PATL1: variants seen among roughly 807,000 people sequenced by gnomAD.
The protein encoded by PATL1 is PAT1 homolog 1, processing body mRNA decay factor.
Under a neutral mutation model 100.6 loss-of-function variants are expected in PATL1, and 32 were observed. The observed-to-expected ratio is 0.32, with a 90% CI of 0.24 to 0.43. The LOEUF is 0.43. PATL1 is among the 20% of genes least tolerant of loss of function. The probability of loss-of-function intolerance (pLI) is 1.00; values close to 1 mark genes in which losing one functional copy is unlikely to be tolerated. For synonymous variants in PATL1, 332 were observed against 330.0 expected (o/e 1.01, Z -0.07); for missense variants, 747 against 949.9 (o/e 0.79, Z 2.81).
Position 59,669,004 on chromosome 11 carries a change from G to C in PATL1, c.-109C>G, listed in dbSNP as rs1038441548. On this transcript the variant is annotated 5_prime_UTR_variant, in exon 1 of 19. Coordinates refer to ENST00000300146, the MANE Select transcript of PATL1 (RefSeq NM_152716.3). ...GTCCTCCACCGGCTCGCGACCCCTG[G>C]CCGCCGCCGTACGCCGGAGCGTGCG... 3.7e-6 allele frequency: 1 copy of C among 273,226 alleles called. No homozygotes were observed. The highest frequency in any genetic ancestry group is 7.0e-6 in the Non-Finnish European group (1 of 142,026). 16.9% of individuals were successfully genotyped at this position (273,226 alleles called of 1,614,324 possible).
At chr11:59,651,465 T>G in intron 12 of PATL1, 79 bp downstream of exon 12, 3 of 1,125,874 alleles carry the variant, frequency 2.7e-6, no homozygotes, top group Non-Finnish European at 3.9e-6. Context: ...CTACCATGCC[T>G]GATCTCATTC....
intron 11 of PATL1, among the ~76,000 whole-genome samples, chr11:59,652,225 C>T (rs959253725): frequency 1.3e-5 from 2 of 151,758 alleles, no homozygotes; most frequent in Admixed American, 1.3e-4. Context: ...AAAATTATAA[C>T]ACATTTAAAA....
intron 15 of PATL1, among the ~76,000 whole-genome samples, chr11:59,647,235 A>C (rs915023716): frequency 2.6e-5 from 4 of 150,950 alleles, no homozygotes; most frequent in Admixed American, 2.0e-4. Context: ...AAAAAAAAAA[A>C]AAAAAAAAAC....
At chr11:59,650,909 A>G in intron 12 of PATL1, 96 bp from the exon 13 acceptor site, 1 of 837,812 alleles carries the variant, frequency 1.2e-6, no homozygotes, top group Admixed American at 2.9e-5. Flanking sequence ...CAATACTTTG[A>G]GAAGATAATT....
At chr11:59,640,723 AG>A (rs1421018598) in intron 16 of PATL1, among the ~76,000 whole-genome samples, 3 of 150,508 alleles carry the variant, frequency 2.0e-5, no homozygotes, top group African/African-American at 4.9e-5. Flanking sequence ...CTATCTCAAA[AG>A]AAAAAAAAAA....
In PATL1 at chr11:59,656,490, G is replaced by A. The variant is rs1257685525; in HGVS notation, c.723+9C>T. ...ACTGCACATTTTTGTTAGGCTTAAA[G>A]TGACATACCGGGACACTGCAGAGCT... On this transcript the variant is annotated intron_variant, in intron 6 of 18. Coordinates refer to ENST00000300146, the MANE Select transcript of PATL1 (RefSeq NM_152716.3). 1.9e-6 allele frequency: 3 copies of A among 1,607,350 alleles called. No individual in the cohort carries two copies. Among genetic ancestry groups the A allele is most frequent in the Middle Eastern group, 1.7e-4 (1 of 6,052 alleles).
At chr11:59,647,507 T>C (rs569066618) in intron 15 of PATL1, among the ~76,000 whole-genome samples, 2 of 152,326 alleles carry the variant, frequency 1.3e-5, no homozygotes, top group South Asian at 4.1e-4. Flanking sequence ...ACCACATCTT[T>C]ACAACTATGT....
intron 11 of PATL1, among the ~76,000 whole-genome samples, 165 bp downstream of exon 11, chr11:59,652,299 G>A (rs192619886): frequency 3.9e-4 from 60 of 152,172 alleles, no homozygotes; most frequent in Non-Finnish European, 6.3e-4. Flanking sequence ...CAGTCCAGAC[G>A]TGAATAAAGG....
intron 16 of PATL1, among the ~76,000 whole-genome samples, chr11:59,640,832 C>T (rs892496332): frequency 3.3e-5 from 5 of 151,946 alleles, no homozygotes; most frequent in African/African-American, 1.2e-4. Context: ...GAGTTCGAGA[C>T]CAGCCAGAGC....
chr11:59,662,557 T>C (rs1259348127), intron 2 of PATL1, among the ~76,000 whole-genome samples: 2 of 152,176 alleles, frequency 1.3e-5, no homozygotes, highest in East Asian at 3.8e-4. Flanking sequence ...AATAATGTAA[T>C]TAAAAACCAA....
intron 18 of PATL1, among the ~76,000 whole-genome samples, chr11:59,638,730 G>GA (rs1861229081): frequency 6.6e-6 from 1 of 152,032 alleles, no homozygotes; most frequent in African/African-American, 2.4e-5. Flanking sequence ...ACCCAGGCTG[G>GA]AGTGCAGTGG....
At chr11:59,654,489 TAA>T (rs528454364) in intron 8 of PATL1, among the ~76,000 whole-genome samples, 19 of 82,402 alleles carry the variant, frequency 2.3e-4, no homozygotes, top group African/African-American at 3.0e-4. Context: ...TCAAAAACAT[TAA>T]AAAAAAAAAA....
In PATL1 at chr11:59,655,716, T is replaced by C; in HGVS notation, c.838A>G (p.Ser280Gly). 1 of 1,599,090 alleles carries C rather than the reference T, an allele frequency of 6.3e-7. No homozygotes were observed. Residue 280 changes from serine (S) to glycine (G), a missense_variant, in exon 8 of 19, where the codon AGC becomes GGC. Ser to Gly is a moderately conservative substitution (Grantham distance 56). Transcript: ENST00000300146. ...AATCCAGGGACCCGTGCAAACTGGC[T>C]GGGAGACATCCGTCCAGGCTGTAGC... The part of the protein sequence containing the change: ...AQLQPGRMSP[S>G]QFARVPGFVG...
At chr11:59,657,263 C>A in intron 5 of PATL1, 1 of 532,934 alleles carries the variant, frequency 1.9e-6, no homozygotes, top group Non-Finnish European at 2.4e-6. Flanking sequence ...GGGCAGCCAG[C>A]AAAACACTTC....
At chr11:59,645,250 C>T (rs991024080) in intron 15 of PATL1, among the ~76,000 whole-genome samples, 64 of 101,796 alleles carry the variant, frequency 6.3e-4, no homozygotes, top group African/African-American at 2.4e-3. Flanking sequence ...TTCTATTCCA[C>T]AAAACCGCCA....
chr11:59,660,642 G>A (rs572930462), intron 2 of PATL1, among the ~76,000 whole-genome samples: 1 of 152,186 alleles, frequency 6.6e-6, no homozygotes, highest in Admixed American at 6.5e-5. Context: ...GGAATGGAAT[G>A]AGCAGGGTGG....
At chr11:59,665,267 C>T (rs1032918769) in intron 2 of PATL1, among the ~76,000 whole-genome samples, 3 of 152,298 alleles carry the variant, frequency 2.0e-5, no homozygotes, top group Non-Finnish European at 4.4e-5. Flanking sequence ...CATTATAATA[C>T]TTTAAGGCCT....
At chr11:59,662,643 T>C (rs944246486) in intron 2 of PATL1, among the ~76,000 whole-genome samples, 8 of 152,208 alleles carry the variant, frequency 5.3e-5, no homozygotes, top group Admixed American at 4.6e-4. Flanking sequence ...TTTGCAACTT[T>C]ACTAACTTAG....
intron 2 of PATL1, among the ~76,000 whole-genome samples, chr11:59,662,213 T>C (rs1301835278): frequency 6.6e-6 from 1 of 152,240 alleles, no homozygotes; most frequent in Non-Finnish European, 1.5e-5. Flanking sequence ...AAGGGATTCC[T>C]TAAGTTGTGG....
Sources: gnomAD v4.1 joint callset for allele counts (sites outside exome capture counted in the v4.1 genomes callset) on GRCh38, gnomAD v4.1.1 for gene constraint, MANE v1.5 for transcripts, NCBI Gene and HGNC (gene_info 2026-07-23, HGNC 2026-07-21) for gene names.